RRBP1: variants seen among roughly 807,000 people sequenced by gnomAD.
The protein encoded by RRBP1 is ribosome binding protein 1, also known as ribosome-binding protein 1.
RRBP1 carries 94 observed loss-of-function variants against 165.2 expected under a neutral mutation model. The ratio of observed to expected loss-of-function variants is 0.57; its 90% CI spans 0.48 to 0.68. The LOEUF is 0.68. Among genes scored for constraint, RRBP1 ranks in the 30% least tolerant of loss-of-function variants. The probability of loss-of-function intolerance (pLI) is 0.00; values close to 1 mark genes in which losing one functional copy is unlikely to be tolerated. For synonymous variants in RRBP1, 680 were observed against 714.5 expected, an observed-to-expected ratio of 0.95 and a Z score of 0.77; for missense variants, 1,676 against 1,763.0, an observed-to-expected ratio of 0.95 and a Z score of 0.88.
intron 2 of RRBP1, among the ~76,000 whole-genome samples, chr20:17,674,481 C>T (rs1273029424): frequency 1.3e-5 from 2 of 151,786 alleles, no homozygotes; most frequent in African/African-American, 2.4e-5. Flanking sequence ...AGAATTCTCC[C>T]GGCCAGGCTC....
At chr20:17,658,461 T>A (rs1169422445) in intron 3 of RRBP1, 135 bp downstream of exon 3, 23 of 672,938 alleles carry the variant, frequency 3.4e-5, no homozygotes, top group Non-Finnish European at 4.7e-5. Flanking sequence ...GGCCACTGAA[T>A]TTTTTTTTGA....
chr20:17,662,326 C>G (rs1441894758), intron 2 of RRBP1, among the ~76,000 whole-genome samples: 1 of 152,096 alleles, frequency 6.6e-6, no homozygotes, highest in Admixed American at 6.5e-5. Context: ...TTACTTTGAC[C>G]TTTCTAAGAC....
intron 2 of RRBP1, among the ~76,000 whole-genome samples, chr20:17,664,744 T>C (rs1162133901): frequency 6.6e-6 from 1 of 152,232 alleles, no homozygotes; most frequent in African/African-American, 2.4e-5. Context: ...CCCAGGACTC[T>C]GTCTCATTAC....
chr20:17,638,061 G>A (rs2036280645), intron 5 of RRBP1, among the ~76,000 whole-genome samples: 1 of 152,214 alleles, frequency 6.6e-6, no homozygotes, highest in Admixed American at 6.5e-5. Context: ...AGAAAGGGGA[G>A]GAATGAGGAC....
intron 2 of RRBP1, among the ~76,000 whole-genome samples, chr20:17,666,232 C>T (rs2036864556): frequency 6.6e-6 from 1 of 152,006 alleles, no homozygotes; most frequent in Non-Finnish European, 1.5e-5. Flanking sequence ...CGAAGCCAGG[C>T]ACAGTGGTTC....
chr20:17,666,223 G>A (rs748562107), intron 2 of RRBP1, among the ~76,000 whole-genome samples: 3 of 151,834 alleles, frequency 2.0e-5, no homozygotes, highest in South Asian at 2.1e-4. Context: ...TGTTTTCTTC[G>A]AAGCCAGGCA....
At chr20:17,647,862 C>A (rs1219288617) in intron 3 of RRBP1, among the ~76,000 whole-genome samples, 2 of 152,182 alleles carry the variant, frequency 1.3e-5, no homozygotes, top group African/African-American at 2.4e-5. Context: ...CAGTGCAGAC[C>A]AAGGCACCCA....
At position 17,621,992 on chromosome 20, in the gene RRBP1, G is replaced by A. The variant is rs376584453; in HGVS notation, c.3148-45C>T. ...GAGCGGAAGGTGTTCAGCTGTGGAG[G>A]TGTGGGGCACCTCCCCAGGTCTTTA... On this transcript the variant is annotated intron_variant, in intron 13 of 24. Transcript: ENST00000377813. 8.1e-6 allele frequency: 12 copies of A among 1,478,988 alleles called. No individual in the cohort carries two copies. The African/African-American group carries it at 1.4e-4, about 17-fold the overall frequency. 91.6% of individuals were successfully genotyped at this position (1,478,988 alleles called of 1,614,324 possible).
At chr20:17,647,007 A>G (rs1017791120) in intron 3 of RRBP1, among the ~76,000 whole-genome samples, 6 of 152,176 alleles carry the variant, frequency 3.9e-5, no homozygotes, top group African/African-American at 1.4e-4. Flanking sequence ...CTGCCGCCTG[A>G]GCCCTGGCAG....
At chr20:17,617,648 G>A (rs2035827232) in intron 20 of RRBP1, among the ~76,000 whole-genome samples, 1 of 152,252 alleles carries the variant, frequency 6.6e-6, no homozygotes, top group Non-Finnish European at 1.5e-5. Context: ...AGGCTTCAGT[G>A]AGTGGCCCCT....
intron 7 of RRBP1, among the ~76,000 whole-genome samples, chr20:17,634,424 C>T (rs2036210291): frequency 6.6e-6 from 1 of 152,192 alleles, no homozygotes; most frequent in Non-Finnish European, 1.5e-5. Flanking sequence ...CCGGGGAGGC[C>T]ACACCAAAGC....
Position 17,615,444 on chromosome 20 carries a change from GCCT to G in RRBP1, c.4034_4036del (p.Glu1345del), listed in dbSNP as rs750382908. The G allele has an allele frequency of 4.8e-5, 78 of 1,609,392 alleles. No individual in the cohort carries two copies. Among genetic ancestry groups the G allele is most frequent in the Non-Finnish European group, 6.3e-5 (74 of 1,178,008 alleles). ...GCCCCTGCCTGCCTTCAGCTGTGAG[GCCT>G]CCTCTGTTTCTGAAGACTCTAGGGG... On this transcript the variant is annotated inframe_deletion, in exon 23 of 25. Transcript: ENST00000377813.
intron 18 of RRBP1, 64 bp downstream of exon 18, chr20:17,620,233 GCA>G (rs995752091): frequency 1.7e-6 from 2 of 1,152,094 alleles, no homozygotes; most frequent in African/African-American, 3.0e-5. Context: ...AGTGTCCTCT[GCA>G]TTAACGTCAC....
At chr20:17,669,882 A>G (rs1316352451) in intron 2 of RRBP1, among the ~76,000 whole-genome samples, 1 of 152,200 alleles carries the variant, frequency 6.6e-6, no homozygotes, top group African/African-American at 2.4e-5. Flanking sequence ...CATATGAATC[A>G]CAGTTTTGTT....
At chr20:17,633,369 G>A in intron 8 of RRBP1, 91 bp downstream of exon 8, 1 of 1,399,962 alleles carries the variant, frequency 7.1e-7, no homozygotes, top group East Asian at 2.3e-5. Context: ...GGTGCCCAGT[G>A]TGGCACGGCC....
chr20:17,648,027 G>T (rs561179333), intron 3 of RRBP1, among the ~76,000 whole-genome samples: 2 of 152,150 alleles, frequency 1.3e-5, no homozygotes, highest in African/African-American at 4.8e-5. Flanking sequence ...CCAGCACCAC[G>T]CAAGCAGTCA....
intron 2 of RRBP1, among the ~76,000 whole-genome samples, chr20:17,669,572 T>C (rs533196597): frequency 4.6e-5 from 7 of 152,366 alleles, no homozygotes; most frequent in African/African-American, 1.7e-4. Context: ...CTCAATATCA[T>C]ATCAGCATCG....
intron 5 of RRBP1, among the ~76,000 whole-genome samples, chr20:17,641,035 A>G (rs1431181521): frequency 6.6e-6 from 1 of 152,178 alleles, no homozygotes; most frequent in Non-Finnish European, 1.5e-5. Context: ...GGCTTTCAAC[A>G]GGGCCTGACC....
intron 9 of RRBP1, among the ~76,000 whole-genome samples, chr20:17,629,360 G>C (rs992730124): frequency 6.6e-6 from 1 of 152,220 alleles, no homozygotes; most frequent in Non-Finnish European, 1.5e-5. Flanking sequence ...GGAACCACAG[G>C]CTTGTAAATC....
Sources: allele counts gnomAD v4.1 joint callset (sites outside exome capture counted in the v4.1 genomes callset), GRCh38; gene constraint gnomAD v4.1.1; transcripts MANE v1.5; gene names NCBI Gene and HGNC (gene_info 2026-07-23, HGNC 2026-07-21).